Variants in MYB observed in about 807,000 individuals in gnomAD.
The protein encoded by MYB is MYB proto-oncogene, transcription factor, also known as transcriptional activator Myb.
A neutral mutation model predicts 92.9 loss-of-function variants in MYB; 28 were observed. That is an observed-to-expected ratio of 0.30 (90% CI 0.22 to 0.41). The LOEUF (loss-of-function observed/expected upper bound fraction) is 0.41, where lower values mean the gene tolerates loss of function less well. Among genes scored for constraint, MYB ranks in the 10% least tolerant of loss-of-function variants. MYB has a pLI of 1.00. For missense variants in MYB, 679 were observed against 929.3 expected (o/e 0.73, Z 3.50); for synonymous variants, 295 against 329.1 (o/e 0.90, Z 1.12).
At chr6:135,208,055 A>G (rs375851095) in intron 15 of MYB, among the ~76,000 whole-genome samples, 1 of 132,076 alleles carries the variant, frequency 7.6e-6, no homozygotes, top group Non-Finnish European at 1.7e-5. Context: ...TGAAGTTTTT[A>G]TTTTTATTTT....
chr6:135,192,307 G>A lies in MYB; in HGVS notation c.528-17G>A. The A allele has an allele frequency of 6.3e-7, 1 of 1,594,076 alleles. No homozygotes were observed. The highest frequency in any genetic ancestry group is 8.6e-7 in the Non-Finnish European group (1 of 1,161,790). ...AAATTTTTGTTTGTGAAATTTGTGT[G>A]ATATATTTCTGTGCAGAACTGATAA... On this transcript the variant is annotated splice_polypyrimidine_tract_variant and intron_variant, in intron 5 of 15. Transcript: ENST00000341911.
At chr6:135,194,964 G>A (rs868209211) in intron 8 of MYB, 16 of 1,335,674 alleles carry the variant, frequency 1.2e-5, no homozygotes, top group Middle Eastern at 2.1e-4. Context: ...TGAAAGTTAT[G>A]TGGGCCATTA....
rs1363192481 is a variant in MYB at position 135,192,428 on chromosome 6, C to G, written c.632C>G (p.Ala211Gly). 2 of 1,614,130 alleles carry G rather than the reference C, an allele frequency of 1.2e-6. No individual in the cohort carries two copies. The highest frequency in any genetic ancestry group is 2.7e-5 in the African/African-American group (2 of 74,946). Residue 211 changes from alanine to glycine, a missense_variant, in exon 6 of 16, where the codon GCC (alanine) becomes GGC (glycine). Ala to Gly is a moderately conservative substitution (Grantham distance 60). Coordinates refer to ENST00000341911, the MANE Select transcript of MYB (RefSeq NM_001130173.2). ...TCAAAAGCCAGCCAGCCAGCAGTGGCCACAAGCTTCCAGAAGAACAGTCAT... is the reference window on the plus strand; with the variant it reads ...TCAAAAGCCAGCCAGCCAGCAGTGGGCACAAGCTTCCAGAAGAACAGTCAT... Reference protein sequence around the residue: ...ESSKASQPAVATSFQKNSHLM... With the variant: ...ESSKASQPAVGTSFQKNSHLM...
In MYB at chr6:135,181,629, G is replaced by T; in HGVS notation, c.23+93G>T. On this transcript the variant is annotated intron_variant, in intron 1 of 15. Transcript: ENST00000341911. This position sits in a 1 kb window ranked among gnomAD's most constrained non-coding sequence, Gnocchi z 5.3. ...GGGAGCAGGTGGGAATTCGTTCCGG[G>T]ATCATCTGAGGGGCTGTCAGACCCT... The T allele has an allele frequency of 1.1e-6, 1 of 941,384 alleles. No individual in the cohort carries two copies. The highest frequency in any genetic ancestry group is 1.3e-6 in the Non-Finnish European group (1 of 746,626). 58.3% of individuals were successfully genotyped at this position (941,384 alleles called of 1,614,324 possible).
Position 135,193,865 on chromosome 6 carries a change from G to A in MYB, c.790G>A (p.Ala264Thr), listed in dbSNP as rs1477052128. 2.5e-6 allele frequency: 4 copies of A among 1,613,016 alleles called. No homozygotes were observed. The highest frequency in any genetic ancestry group is 3.4e-6 in the Non-Finnish European group (4 of 1,179,018). ...CTCCAGTCATGTTCCATACCCTGTA[G>A]CGTTACATGTAAATATAGTCAATGT... is the stretch of plus-strand genomic sequence containing the variant. Reference protein sequence around the residue: ...NVSSHVPYPVALHVNIVNVPQ... With the variant: ...NVSSHVPYPVTLHVNIVNVPQ... The change falls in exon 7 of 16, where the codon GCG becomes ACG. Residue 264 changes from alanine (A) to threonine (T), a missense_variant. Transcript: ENST00000341911.
intron 15 of MYB, among the ~76,000 whole-genome samples, chr6:135,206,550 G>T (rs187014884): frequency 3.0e-4 from 46 of 152,008 alleles, no homozygotes; most frequent in African/African-American, 1.1e-3. Flanking sequence ...ACAAAAAATA[G>T]CCAGGCGTGG....
At chr6:135,203,993 A>C in intron 15 of MYB, 1 of 833,032 alleles carries the variant, frequency 1.2e-6, no homozygotes, top group Non-Finnish European at 1.5e-6. Flanking sequence ...AAATTATTTA[A>C]AGCAGTTTCT....
At chr6:135,206,128 C>A (rs1248284352) in intron 15 of MYB, among the ~76,000 whole-genome samples, 1 of 147,580 alleles carries the variant, frequency 6.8e-6, no homozygotes, top group Non-Finnish European at 1.5e-5. Context: ...ATGGCATGAA[C>A]CCAGGAGGCG....
At chr6:135,206,469 G>A (rs929872721) in intron 15 of MYB, among the ~76,000 whole-genome samples, 5 of 151,826 alleles carry the variant, frequency 3.3e-5, no homozygotes, top group South Asian at 2.1e-4. Context: ...AGGCAGAGGC[G>A]GGTGGATCAC....
chr6:135,206,205 C>CAAAAAAAAAAAAAAAAAA (rs67836018), intron 15 of MYB, among the ~76,000 whole-genome samples: 2 of 87,364 alleles, frequency 2.3e-5, no homozygotes, highest in Non-Finnish European at 4.3e-5. Context: ...GACTCCATCT[C>CAAAAAAAAAAAAAAAAAA]AAAAAAAAAA....
At chr6:135,193,209 T>C (rs1776851670) in intron 6 of MYB, among the ~76,000 whole-genome samples, 1 of 152,134 alleles carries the variant, frequency 6.6e-6, no homozygotes, top group South Asian at 2.1e-4. Context: ...TAATCCATAA[T>C]AGGTGGAAAA....
At chr6:135,215,557 A>G (rs1299725885) in intron 15 of MYB, among the ~76,000 whole-genome samples, 1 of 152,218 alleles carries the variant, frequency 6.6e-6, no homozygotes, top group Non-Finnish European at 1.5e-5. Flanking sequence ...TGTGAGAATT[A>G]AATGAGAGGA....
chr6:135,201,832 G>A (rs553589793), intron 14 of MYB, 83 bp downstream of exon 14: 18 of 667,038 alleles, frequency 2.7e-5, no homozygotes, highest in East Asian at 2.2e-4. Flanking sequence ...GGGCTGCTGC[G>A]GTTTCAGCAC....
At chr6:135,189,723 A>G in intron 3 of MYB, 68 bp from the exon 4 acceptor site, 3 of 1,346,790 alleles carry the variant, frequency 2.2e-6, no homozygotes, top group South Asian at 1.2e-5. Flanking sequence ...TGTGATTCCT[A>G]TTACAACAAA....
At chr6:135,186,670 A>T (rs540703534) in intron 2 of MYB, among the ~76,000 whole-genome samples, 1 of 152,368 alleles carries the variant, frequency 6.6e-6, no homozygotes, top group East Asian at 1.9e-4. Flanking sequence ...TAACAGAGCC[A>T]TCTATATGAA....
At chr6:135,194,308 G>A in intron 7 of MYB, 48 bp from the exon 8 acceptor site, 2 of 1,403,522 alleles carry the variant, frequency 1.4e-6, no homozygotes, top group Non-Finnish European at 2.0e-6. Context: ...TGTATTTGCA[G>A]CTTCCAATCA....
Position 135,181,577 on chromosome 6 carries a change from CG to C in MYB, c.23+46del. 1.8e-6 allele frequency: 2 copies of C among 1,132,982 alleles called. No individual in the cohort carries two copies. The highest frequency in any genetic ancestry group is 2.2e-6 in the Non-Finnish European group (2 of 918,288). The allele number at this position is 1,132,982 out of a possible 1,614,324, so 70.2% of individuals were successfully genotyped here. A position where few individuals can be genotyped will look rare whatever the true frequency, so the allele number is the denominator to read the frequency against. ...GCGGGCGGCCGAGGGCGGGGGCGCG[CG>C]GGGGCGCGCGGGGCGCCAGGCTCCC... is the stretch of plus-strand genomic sequence containing the variant. On this transcript the variant is annotated intron_variant, in intron 1 of 15. Transcript: ENST00000341911. The surrounding 1 kb of genome is among the most constrained non-coding windows in gnomAD (Gnocchi z 5.3).
intron 5 of MYB, among the ~76,000 whole-genome samples, chr6:135,192,039 G>A (rs1266533177): frequency 2.6e-5 from 4 of 152,012 alleles, no homozygotes; most frequent in Admixed American, 6.6e-5. Context: ...AACATGAAGC[G>A]TTATCGTATT....
chr6:135,196,846 A>G (rs1417904792), intron 9 of MYB, 115 bp from the exon 10 acceptor site: 5 of 1,588,008 alleles, frequency 3.1e-6, no homozygotes, highest in Non-Finnish European at 4.3e-6. Context: ...TTGCTCAAGA[A>G]GCCAAACCAA....
Sources: gnomAD v4.1 joint callset for allele counts (sites outside exome capture counted in the v4.1 genomes callset) on GRCh38, gnomAD v4.1.1 for gene constraint, Gnocchi (gnomAD v3.1) non-coding constraint, MANE v1.5 for transcripts, NCBI Gene and HGNC (gene_info 2026-07-23, HGNC 2026-07-21) for gene names.